Variants in ARHGEF37 observed in about 807,000 individuals in gnomAD.
ARHGEF37 encodes the protein Rho guanine nucleotide exchange factor 37.
A neutral mutation model predicts 71.1 loss-of-function variants in ARHGEF37; 55 were observed. The observed-to-expected ratio is 0.77, with a 90% CI of 0.62 to 0.97. ARHGEF37 has a LOEUF of 0.97. Among genes scored for constraint, ARHGEF37 ranks in the 50% least tolerant of loss-of-function variants. ARHGEF37 has a pLI of 0.00. For synonymous variants in ARHGEF37, 327 were observed against 350.6 expected (o/e 0.93, Z 0.75); for missense variants, 765 against 836.8 (o/e 0.91, Z 1.06).
At chr5:149,611,399 G>A (rs1319007778) in intron 4 of ARHGEF37, among the ~76,000 whole-genome samples, 1 of 152,274 alleles carries the variant, frequency 6.6e-6, no homozygotes, top group Non-Finnish European at 1.5e-5. Context: ...CAGAAACTTA[G>A]ATGTAACATC....
intron 1 of ARHGEF37, among the ~76,000 whole-genome samples, chr5:149,557,643 C>T (rs1305480207): frequency 6.6e-6 from 1 of 152,114 alleles, no homozygotes; most frequent in Non-Finnish European, 1.5e-5. Context: ...TGCACCTGGC[C>T]TAACAGGGAG....
rs754468272 is a variant in ARHGEF37 at position 149,628,885 on chromosome 5, G to A, written c.1737G>A (p.Gln579=). ...CCAGTGCAGAGGAGCTCAGAAGGCA[G>A]GCGGGGCTGAACAAAGACCCCCGAT... is the stretch of plus-strand genomic sequence containing the variant. The part of the protein sequence containing the change: ...VVPSAEELRR[Q]AGLNKDPRCL... The change falls in exon 12 of 13, where the codon CAG becomes CAA. Residue 579 remains glutamine, a synonymous_variant. Transcript: ENST00000333677. 2 of 1,613,736 alleles carry A rather than the reference G, an allele frequency of 1.2e-6. No individual in the cohort carries two copies. Among genetic ancestry groups the A allele is most frequent in the East Asian group, 2.2e-5 (1 of 44,888 alleles).
intron 1 of ARHGEF37, among the ~76,000 whole-genome samples, chr5:149,553,557 G>A (rs1461622979): frequency 2.0e-5 from 3 of 152,114 alleles, no homozygotes; most frequent in Non-Finnish European, 4.4e-5. Context: ...TCCATAAGGG[G>A]ATGAGGTATA....
At chr5:149,571,325 G>A (rs1373756067) in intron 1 of ARHGEF37, among the ~76,000 whole-genome samples, 3 of 152,024 alleles carry the variant, frequency 2.0e-5, no homozygotes, top group African/African-American at 4.8e-5. Flanking sequence ...GCACGACCTC[G>A]GCTCACTGCA....
chr5:149,562,675 T>C (rs918398918), intron 1 of ARHGEF37, among the ~76,000 whole-genome samples: 9 of 152,320 alleles, frequency 5.9e-5, no homozygotes, highest in Admixed American at 5.2e-4. Context: ...CTTGATCTCC[T>C]GACCTCGTGA....
rs200438181 is a variant in ARHGEF37, at chr5:149,624,019, A to C, written c.1343A>C (p.His448Pro). ...RAEGSMAQLP[H>P]HHVPEPAFRK... ...GTGTCTGTCCCCACTTAGCTGCCCC[A>C]CCACCACGTCCCAGAGCCTGCCTTC... The change falls in exon 10 of 13, where the codon CAC becomes CCC. Residue 448 changes from histidine to proline, a missense_variant. His to Pro is a moderately conservative substitution (Grantham distance 77). Around this residue, in one of 5 missense-constraint regions of ARHGEF37, gnomAD observed 390 missense variants for 407.4 expected, o/e 0.96. Coordinates refer to ENST00000333677, the MANE Select transcript of ARHGEF37 (RefSeq NM_001001669.3). 1 of 1,597,906 alleles carries C rather than the reference A, an allele frequency of 6.3e-7. No homozygotes were observed. The highest frequency in any genetic ancestry group is 1.3e-5 in the African/African-American group (1 of 74,746).
intron 1 of ARHGEF37, among the ~76,000 whole-genome samples, chr5:149,589,138 C>A (rs1161552115): frequency 1.3e-5 from 2 of 151,824 alleles, no homozygotes; most frequent in East Asian, 3.9e-4. Context: ...ATTGCTTGAG[C>A]CCAGGATTGC....
At chr5:149,619,147 A>T in intron 7 of ARHGEF37, 105 bp downstream of exon 7, 1 of 874,512 alleles carries the variant, frequency 1.1e-6, no homozygotes. Context: ...CAGCCTCAGA[A>T]ACCAACCAGA....
intron 2 of ARHGEF37, 23 bp from the exon 3 acceptor site, chr5:149,601,085 C>T: frequency 6.2e-7 from 1 of 1,604,008 alleles, no homozygotes; most frequent in Non-Finnish European, 8.5e-7. Context: ...AACCACCTCT[C>T]ATGGCTTCTT....
At chr5:149,551,686 T>C (rs776117054), upstream of ARHGEF37, 1 of 152,440 alleles carries the variant, frequency 6.6e-6, no homozygotes, top group Non-Finnish European at 1.5e-5. Context: ...CCGCCGGGTC[T>C]CTGGAAGGCT....
chr5:149,613,331 G>T (rs180863686), intron 4 of ARHGEF37, among the ~76,000 whole-genome samples: 15 of 150,508 alleles, frequency 1.0e-4, no homozygotes, highest in African/African-American at 3.7e-4. Context: ...CAGACAGATA[G>T]ATGGTTAGAT....
chr5:149,612,772 C>T (rs779536601), intron 4 of ARHGEF37, among the ~76,000 whole-genome samples: 1 of 152,226 alleles, frequency 6.6e-6, no homozygotes, highest in African/African-American at 2.4e-5. Flanking sequence ...GCATTACTTT[C>T]CAGAGCCTGG....
chr5:149,594,505 G>A (rs1763492290), intron 1 of ARHGEF37, among the ~76,000 whole-genome samples: 1 of 152,144 alleles, frequency 6.6e-6, no homozygotes. Context: ...ATCCATTTAT[G>A]TACTCTCCGA....
At chr5:149,600,204 A>T (rs1763711551) in intron 2 of ARHGEF37, among the ~76,000 whole-genome samples, 2 of 152,222 alleles carry the variant, frequency 1.3e-5, no homozygotes, top group African/African-American at 4.8e-5. Context: ...TGATATTATA[A>T]TCCTATGAGA....
upstream of ARHGEF37, among the ~76,000 whole-genome samples, chr5:149,577,238 A>G (rs1763037656): frequency 6.6e-6 from 1 of 152,220 alleles, no homozygotes; most frequent in Non-Finnish European, 1.5e-5. Context: ...GAAACAATCT[A>G]TGAAACATTA....
intron 12 of ARHGEF37, among the ~76,000 whole-genome samples, chr5:149,629,722 G>A (rs1367330940): frequency 1.3e-5 from 2 of 152,224 alleles, no homozygotes; most frequent in African/African-American, 2.4e-5. Context: ...TCTCTGAAGA[G>A]CAATGGGCAG....
chr5:149,616,237 C>T (rs1752372447), intron 4 of ARHGEF37, among the ~76,000 whole-genome samples: 1 of 152,122 alleles, frequency 6.6e-6, no homozygotes. Flanking sequence ...AGAAGCAGGA[C>T]AGAGGGTGTC....
intron 4 of ARHGEF37, among the ~76,000 whole-genome samples, chr5:149,613,001 G>T (rs1752243284): frequency 1.3e-5 from 2 of 152,198 alleles, no homozygotes; most frequent in South Asian, 4.1e-4. Context: ...CTCTGCCCTA[G>T]GTAGGACTGT....
upstream of ARHGEF37, among the ~76,000 whole-genome samples, chr5:149,577,451 A>G (rs1375416826): frequency 6.6e-6 from 1 of 152,220 alleles, no homozygotes; most frequent in Non-Finnish European, 1.5e-5. Flanking sequence ...TGCTAAGTAC[A>G]CATTTGGCAC....
Sources: allele counts gnomAD v4.1 joint callset (sites outside exome capture counted in the v4.1 genomes callset), GRCh38; gene constraint gnomAD v4.1.1; regional missense constraint gnomAD v4.1.1; transcripts MANE v1.5; gene names NCBI Gene and HGNC (gene_info 2026-07-23, HGNC 2026-07-21).